The following PCDHGA2 variants were observed in gnomAD, a reference collection of about 807,000 sequenced individuals.
PCDHGA2 encodes the protein protocadherin gamma-A2.
PCDHGA2 carries 40 observed loss-of-function variants against 59.2 expected under a neutral mutation model. The observed-to-expected ratio is 0.68, with a 90% CI of 0.52 to 0.88. The LOEUF (loss-of-function observed/expected upper bound fraction) is 0.88. PCDHGA2 is among the 40% of genes least tolerant of loss of function. PCDHGA2 has a pLI of 0.00. For missense variants in PCDHGA2, 1,226 were observed against 1,204.0 expected (o/e 1.02, Z -0.27); for synonymous variants, 560 against 526.0 (o/e 1.06, Z -0.89).
intron 1 of PCDHGA2, chr5:141,418,431 A>T (rs751083183): frequency 1.9e-6 from 3 of 1,614,000 alleles, no homozygotes; most frequent in East Asian, 2.2e-5. Flanking sequence ...GGTGGCAAAT[A>T]TCCAGAATTA....
chr5:141,465,429 A>G (rs1191638112), intron 1 of PCDHGA2, among the ~76,000 whole-genome samples: 2 of 152,316 alleles, frequency 1.3e-5, no homozygotes, highest in East Asian at 3.9e-4. Context: ...AAAGGTGGGC[A>G]CTTAATGATT....
At chr5:141,510,873 T>A in intron 3 of PCDHGA2, 74 bp from the exon 4 acceptor site, 1 of 1,609,964 alleles carries the variant, frequency 6.2e-7, no homozygotes, top group Non-Finnish European at 8.5e-7. Flanking sequence ...ATTCATTAAC[T>A]GCTGGGGATA....
At chr5:141,428,147 G>C (rs771536400) in intron 1 of PCDHGA2, 1 of 1,589,612 alleles carries the variant, frequency 6.3e-7, no homozygotes, top group Admixed American at 1.7e-5. Flanking sequence ...GGCTGCACAC[G>C]GGAACCTGCT....
intron 1 of PCDHGA2, among the ~76,000 whole-genome samples, chr5:141,494,199 G>A (rs1033914239): frequency 1.3e-5 from 2 of 152,160 alleles, no homozygotes; most frequent in South Asian, 2.1e-4. Context: ...TGGATGCCCC[G>A]CAAAGGCCCA....
chr5:141,492,007 C>A, intron 1 of PCDHGA2: 1 of 629,072 alleles, frequency 1.6e-6, no homozygotes, highest in Non-Finnish European at 2.6e-6. Flanking sequence ...GCGATTTCCG[C>A]GGGTGTCGGG....
At chr5:141,373,588 T>A (rs1021552918) in intron 1 of PCDHGA2, among the ~76,000 whole-genome samples, 3 of 152,222 alleles carry the variant, frequency 2.0e-5, no homozygotes, top group African/African-American at 4.8e-5. Context: ...GGTGGTGAAA[T>A]GTGATGATAA....
chr5:141,427,052 C>T (rs79280874), intron 1 of PCDHGA2: 9,800 of 457,514 alleles, frequency 0.021, 162 homozygotes, highest in Middle Eastern at 0.051. Flanking sequence ...TGCCCCCAGG[C>T]ACCTCTGTAC....
At chr5:141,434,521 T>G (rs2097700467) in intron 1 of PCDHGA2, among the ~76,000 whole-genome samples, 1 of 152,202 alleles carries the variant, frequency 6.6e-6, no homozygotes, top group Non-Finnish European at 1.5e-5. Flanking sequence ...AAAGGTGTTC[T>G]TAAACCACAA....
At chr5:141,469,104 C>G (rs1046234848) in intron 1 of PCDHGA2, among the ~76,000 whole-genome samples, 3 of 151,760 alleles carry the variant, frequency 2.0e-5, no homozygotes, top group Middle Eastern at 3.2e-3. Flanking sequence ...AAGCAAGAAC[C>G]TGTCTCTAAA....
At chr5:141,448,215 C>T (rs927573458) in intron 1 of PCDHGA2, among the ~76,000 whole-genome samples, 5 of 152,046 alleles carry the variant, frequency 3.3e-5, no homozygotes, top group African/African-American at 9.7e-5. Flanking sequence ...TGTGTGTATG[C>T]GAATGTATGT....
rs2099664737 is a variant in PCDHGA2, at chr5:141,487,754, G to GTAGAC, written c.2425-7052_2425-7048dup. 1 of 1,552,036 alleles carries GTAGAC rather than the reference G, an allele frequency of 6.4e-7. No homozygotes were observed. The highest frequency in any genetic ancestry group is 1.4e-5 in the African/African-American group (1 of 73,242). ...CATTTTTGTAAGAGGTAACTATGTG[G>GTAGAC]TAGACGCTGTGCTTTGTAACTGTTT... On this transcript the variant is annotated intron_variant, in intron 1 of 3. Transcript: ENST00000394576. This position sits in a 1 kb window ranked among gnomAD's most constrained non-coding sequence, Gnocchi z 5.0.
intron 1 of PCDHGA2, chr5:141,398,470 A>G: frequency 6.2e-7 from 1 of 1,604,828 alleles, no homozygotes; most frequent in Non-Finnish European, 8.5e-7. Flanking sequence ...AAATCCACTG[A>G]ACTTTTATCA....
At chr5:141,461,011 A>G (rs971172615) in intron 1 of PCDHGA2, among the ~76,000 whole-genome samples, 2 of 151,288 alleles carry the variant, frequency 1.3e-5, no homozygotes, top group Non-Finnish European at 2.9e-5. Context: ...ATATATATAT[A>G]CCACATTTTC....
At chr5:141,389,855 G>GAGAGC (rs2091946783) in intron 1 of PCDHGA2, 1 of 1,613,942 alleles carries the variant, frequency 6.2e-7, no homozygotes, top group Non-Finnish European at 8.5e-7. Flanking sequence ...CCACTGCCAC[G>GAGAGC]TTGCACCTGG....
In PCDHGA2 at chr5:141,511,925, G is replaced by C. The variant is rs2099884008; in HGVS notation, c.*752G>C. 1 of 155,320 alleles carries C rather than the reference G, an allele frequency of 6.4e-6. No homozygotes were observed. Among genetic ancestry groups the C allele is most frequent in the Admixed American group, 6.3e-5 (1 of 15,924 alleles). 9.6% of individuals were successfully genotyped at this position (155,320 alleles called of 1,614,324 possible). A position where few individuals can be genotyped will look rare whatever the true frequency, so the allele number is the denominator to read the frequency against. ...CCTCAAACAAGAGACTCCACTGCAT[G>C]TTCCAAGACAGTATGGGGTGGTAAG... On this transcript the variant is annotated 3_prime_UTR_variant, in exon 4 of 4. Coordinates refer to ENST00000394576, the MANE Select transcript of PCDHGA2 (RefSeq NM_018915.4).
In PCDHGA2 at chr5:141,443,822, A is replaced by G. The variant is rs183934410; in HGVS notation, c.2425-50985A>G. ...GAAACAGTTACCTTTGGAAAACATAATTAGGTAAAATGGGTAATATGGAAA... is the reference window on the plus strand; with the variant it reads ...GAAACAGTTACCTTTGGAAAACATAGTTAGGTAAAATGGGTAATATGGAAA... On this transcript the variant is annotated intron_variant, in intron 1 of 3. Coordinates refer to ENST00000394576, the MANE Select transcript of PCDHGA2 (RefSeq NM_018915.4). Among the ~76,000 whole-genome samples, 330 of 152,316 alleles carry G rather than the reference A, an allele frequency of 2.2e-3. 2 individuals carry two copies. Among genetic ancestry groups the G allele is most frequent in the Non-Finnish European group, 4.1e-3 (279 of 68,018 alleles).
At position 141,487,137 on chromosome 5, in the gene PCDHGA2, T is replaced by A. The variant is rs2154580779; in HGVS notation, c.2425-7670T>A. ...GTAAAGGATAGTGGTAGTCCACCAC[T>A]CTCTACCTCTGTTACTCTCTTAGTG... On this transcript the variant is annotated intron_variant, in intron 1 of 3. Coordinates refer to ENST00000394576, the MANE Select transcript of PCDHGA2 (RefSeq NM_018915.4). The surrounding 1 kb of genome is among the most constrained non-coding windows in gnomAD (Gnocchi z 5.0). 1.9e-6 allele frequency: 3 copies of A among 1,614,092 alleles called. No individual in the cohort carries two copies. The East Asian group carries it at 6.7e-5, about 36-fold the overall frequency.
At chr5:141,357,037 G>A (rs750879556) in intron 1 of PCDHGA2, 42 of 1,613,924 alleles carry the variant, frequency 2.6e-5, no homozygotes, top group Non-Finnish European at 3.2e-5. Context: ...CAAGTCCAGC[G>A]AGCCGGGACT....
chr5:141,430,725 G>A (rs1436128094), intron 1 of PCDHGA2: 4 of 1,497,276 alleles, frequency 2.7e-6, no homozygotes, highest in Admixed American at 2.4e-5. Flanking sequence ...AGTGGTTAAG[G>A]GCAGAATTGA....
Sources: allele counts gnomAD v4.1 joint callset (sites outside exome capture counted in the v4.1 genomes callset), GRCh38; gene constraint gnomAD v4.1.1; non-coding constraint Gnocchi (gnomAD v3.1); transcripts MANE v1.5; gene names NCBI Gene and HGNC (gene_info 2026-07-23, HGNC 2026-07-21).